Variants in PSG8 observed in about 807,000 individuals in gnomAD.
PSG8 encodes the protein pregnancy-specific beta-1-glycoprotein 8.
A neutral mutation model predicts 42.5 loss-of-function variants in PSG8; 57 were observed. The ratio of observed to expected loss-of-function variants is 1.34; its 90% CI spans 1.08 to 1.67. PSG8 has a LOEUF of 1.67. Among genes scored for constraint, PSG8 ranks in the 40% most tolerant of loss-of-function variants. The pLI, the probability that PSG8 is intolerant of heterozygous loss-of-function variation, is 0.00. For synonymous variants in PSG8, 280 were observed against 196.8 expected (o/e 1.42, Z -3.54); for missense variants, 783 against 518.6 (o/e 1.51, Z -4.95).
Position 42,755,128 on chromosome 19 carries a change from C to G in PSG8, c.848G>C (p.Ser283Thr). 6.2e-7 allele frequency: 1 copy of G among 1,611,888 alleles called. No individual in the cohort carries two copies. The highest frequency in any genetic ancestry group is 2.2e-5 in the East Asian group (1 of 44,874). Residue 283 changes from serine (S) to threonine (T), a missense_variant, in exon 4 of 5, where the codon AGT becomes ACT. By Grantham distance (58) the Ser-to-Thr change is moderately conservative. Coordinates refer to ENST00000306511, the MANE Select transcript of PSG8 (RefSeq NM_182707.3). ...TTCAATGGGTCGCTTTACCCTGGGA[C>G]TGACCGGGAGGCTCTGACCATTTAG... The part of the protein sequence containing the change: ...WWLNGQSLPV[S>T]PRVKRPIENR...
chr19:42,763,758 G>A lies in PSG8; in HGVS notation c.430+158C>T, dbSNP rs535097400. On this transcript the variant is annotated intron_variant, in intron 2 of 4. Transcript: ENST00000306511. ...AAGGAATTCTGATCTGTTGAAATTT[G>A]TCTCCTCTGTGTGTGTCCTGCACTA... 1.0e-5 allele frequency: 14 copies of A among 1,385,338 alleles called. No individual in the cohort carries two copies. In the African/African-American group the frequency reaches 2.0e-4, roughly 20 times the overall value. 85.8% of individuals were successfully genotyped at this position (1,385,338 alleles called of 1,614,324 possible).
chr19:42,755,267 C>T lies in PSG8; in HGVS notation c.710-1G>A, dbSNP rs747573382. Reference sequence around the variant, plus strand: ...GTGATGTAGGGCTTGGGCAGCTTCGCTGTGTGGATAACAGAGAGAAGATTG... The same window carrying T: ...GTGATGTAGGGCTTGGGCAGCTTCGTTGTGTGGATAACAGAGAGAAGATTG... On this transcript the variant is annotated splice_acceptor_variant, in intron 3 of 4. Transcript: ENST00000306511. LOFTEE classifies it high-confidence loss of function. The T allele has an allele frequency of 5.0e-6, 8 of 1,612,052 alleles. No individual in the cohort carries two copies. Among genetic ancestry groups the T allele is most frequent in the Non-Finnish European group, 5.9e-6 (7 of 1,179,636 alleles).
chr19:42,757,289 C>G (rs185316180), intron 3 of PSG8, among the ~76,000 whole-genome samples: 1 of 152,066 alleles, frequency 6.6e-6, no homozygotes. Context: ...TCCCTGATAA[C>G]TAGATAGACT....
chr19:42,764,349 G>C (rs1441144798), intron 1 of PSG8, 68 bp from the exon 2 acceptor site: 2 of 1,551,604 alleles, frequency 1.3e-6, no homozygotes, highest in African/African-American at 2.8e-5. Context: ...TGGGGCCCTG[G>C]GTCCTGAGAA....
In PSG8 at chr19:42,758,207, G is replaced by C. The variant is rs1969980396; in HGVS notation, c.504C>G (p.Thr168=). ...TTGCGTCCGGAGTCTCAGGATCACA[G>C]GTTAAGCTCACAGCCTCCATGGCCT... is the stretch of plus-strand genomic sequence containing the variant. ...PREAMEAVSL[T]CDPETPDASY... The change falls in exon 3 of 5, where the codon ACC becomes ACG. Residue 168 remains threonine, a synonymous_variant. Coordinates refer to ENST00000306511, the MANE Select transcript of PSG8 (RefSeq NM_182707.3). 1.9e-6 allele frequency: 3 copies of C among 1,613,950 alleles called. No individual in the cohort carries two copies. Among genetic ancestry groups the C allele is most frequent in the African/African-American group, 2.7e-5 (2 of 74,898 alleles).
At chr19:42,762,303 C>A (rs1970096357) in intron 2 of PSG8, among the ~76,000 whole-genome samples, 1 of 151,906 alleles carries the variant, frequency 6.6e-6, no homozygotes, top group Admixed American at 6.6e-5. Context: ...CCCCAGGGAC[C>A]AGGTGCCCCC....
At position 42,754,241 on chromosome 19, in the gene PSG8, G is replaced by C; in HGVS notation, c.*54C>G. 1 of 1,596,836 alleles carries C rather than the reference G, an allele frequency of 6.3e-7. No homozygotes were observed. Among genetic ancestry groups the C allele is most frequent in the Non-Finnish European group, 8.5e-7 (1 of 1,171,902 alleles). ...ATTTGCTTGTGCCCATGGGACGCAG[G>C]CTGGGAATAAAAATGTTTTCCTGAC... On this transcript the variant is annotated 3_prime_UTR_variant, in exon 5 of 5. Transcript: ENST00000306511.
intron 3 of PSG8, 161 bp from the exon 4 acceptor site, chr19:42,755,427 G>A: frequency 7.2e-7 from 1 of 1,396,698 alleles, no homozygotes; most frequent in East Asian, 2.3e-5. Flanking sequence ...GATGATCTAA[G>A]GGCTCAAAGA....
At chr19:42,764,436 C>A (rs1044965381) in intron 1 of PSG8, among the ~76,000 whole-genome samples, 155 bp from the exon 2 acceptor site, 4 of 152,070 alleles carry the variant, frequency 2.6e-5, no homozygotes, top group Admixed American at 2.0e-4. Context: ...ACAAAAGCGG[C>A]ATGTGTGTCT....
At chr19:42,764,723 A>T (rs1970172205) in intron 1 of PSG8, among the ~76,000 whole-genome samples, 1 of 151,826 alleles carries the variant, frequency 6.6e-6, no homozygotes, top group Non-Finnish European at 1.5e-5. Context: ...CTGACCTTAC[A>T]TTCTAGATCT....
chr19:42,765,390 G>C, intron 1 of PSG8, 128 bp downstream of exon 1: 1 of 1,432,682 alleles, frequency 7.0e-7, no homozygotes. Context: ...CTGATCTCAT[G>C]ATCCACCTGC....
At chr19:42,764,996 G>A (rs1258788937) in intron 1 of PSG8, among the ~76,000 whole-genome samples, 1 of 151,982 alleles carries the variant, frequency 6.6e-6, no homozygotes, top group Non-Finnish European at 1.5e-5. Context: ...TCAAAATGTG[G>A]TGGCCCCTGA....
At chr19:42,755,852 G>C (rs1969911552) in intron 3 of PSG8, 1 of 157,180 alleles carries the variant, frequency 6.4e-6, no homozygotes, top group Non-Finnish European at 1.4e-5. Context: ...GGAGGCTCAA[G>C]GTGGGGCAGT....
chr19:42,764,423 C>T (rs1208840967), intron 1 of PSG8, 142 bp from the exon 2 acceptor site: 41 of 1,398,374 alleles, frequency 2.9e-5, no homozygotes, highest in Non-Finnish European at 4.0e-5. Flanking sequence ...CGCACACACA[C>T]ACACAAAAGC....
At chr19:42,753,447 T>C (rs1161256582), downstream of PSG8, 5 of 768,668 alleles carry the variant, frequency 6.5e-6, no homozygotes, top group Admixed American at 8.6e-5. Context: ...TACTACAGTT[T>C]TTATTTTCCA....
In PSG8 at chr19:42,758,160, C is replaced by T; in HGVS notation, c.551G>A (p.Gly184Asp). Reference sequence around the variant, plus strand: ...CCTGTGAGACATAGGGAGGCTCTGACCATTCATCCACCACAGGTAGCTTGC... The same window carrying T: ...CCTGTGAGACATAGGGAGGCTCTGATCATTCATCCACCACAGGTAGCTTGC... ...PDASYLWWMN[G>D]QSLPMSHRLQ... Residue 184 changes from glycine to aspartate, a missense_variant, in exon 3 of 5, where the codon GGT becomes GAT. Gly to Asp is a moderately conservative substitution (Grantham distance 94, BLOSUM62 -1). Coordinates refer to ENST00000306511, the MANE Select transcript of PSG8 (RefSeq NM_182707.3). The T allele has an allele frequency of 6.2e-7, 1 of 1,614,006 alleles. No homozygotes were observed. Among genetic ancestry groups the T allele is most frequent in the Non-Finnish European group, 8.5e-7 (1 of 1,179,980 alleles).
rs763326638 is a variant in PSG8, at chr19:42,764,127, C to T, written c.219G>A (p.Arg73=). The part of the protein sequence containing the change: ...TGYIWYKGQI[R]DLYHYITSYV... ...ATGATGTAATGTAATGGTAGAGGTC[C>T]CTGATTTGCCCTTTGTACCAGATGT... Residue 73 remains arginine, a synonymous_variant, in exon 2 of 5, where the codon AGG becomes AGA. Coordinates refer to ENST00000306511, the MANE Select transcript of PSG8 (RefSeq NM_182707.3). 2 of 1,613,766 alleles carry T rather than the reference C, an allele frequency of 1.2e-6. No individual in the cohort carries two copies. Among genetic ancestry groups the T allele is most frequent in the Non-Finnish European group, 1.7e-6 (2 of 1,179,882 alleles).
intron 3 of PSG8, among the ~76,000 whole-genome samples, chr19:42,756,794 T>C (rs951092221): frequency 2.0e-5 from 3 of 152,052 alleles, no homozygotes; most frequent in Non-Finnish European, 4.4e-5. Context: ...TGCCTCTTTT[T>C]CTCAGTGTAT....
rs1441932680 is a variant in PSG8, at chr19:42,764,015, T to C, written c.331A>G (p.Asn111Asp). The C allele has an allele frequency of 4.3e-6, 7 of 1,612,528 alleles. No homozygotes were observed. Among genetic ancestry groups the C allele is most frequent in the Non-Finnish European group, 5.9e-6 (7 of 1,179,552 alleles). The change falls in exon 2 of 5, where the codon AAT (asparagine) becomes GAT (aspartate). Residue 111 changes from asparagine to aspartate, a missense_variant. Asn to Asp is a conservative substitution (Grantham distance 23). Transcript: ENST00000306511. ...IYSNASLLIQNVTQEDAGSYT... is the reference protein window; with the variant it reads ...IYSNASLLIQDVTQEDAGSYT... ...GATCCTGCGTCTTCCTGGGTGACATTCTGGATCAGCAGGGATGCATTGGAA... is the reference window on the plus strand; with the variant it reads ...GATCCTGCGTCTTCCTGGGTGACATCCTGGATCAGCAGGGATGCATTGGAA...
Sources: gnomAD v4.1 joint callset for allele counts (sites outside exome capture counted in the v4.1 genomes callset) on GRCh38, gnomAD v4.1.1 for gene constraint, MANE v1.5 for transcripts, NCBI Gene and HGNC (gene_info 2026-07-23, HGNC 2026-07-21) for gene names.